The following ST6GAL1 variants were observed in gnomAD, a reference collection of about 807,000 sequenced individuals.
ST6GAL1 encodes the protein ST6 beta-galactoside alpha-2,6-sialyltransferase 1.
ST6GAL1 carries 20 observed loss-of-function variants against 38.0 expected under a neutral mutation model. That is an observed-to-expected ratio of 0.53 (90% CI 0.37 to 0.77). The LOEUF (loss-of-function observed/expected upper bound fraction) is 0.77, where lower values mean the gene tolerates loss of function less well. Among genes scored for constraint, ST6GAL1 ranks in the 30% least tolerant of loss-of-function variants. The pLI, the probability that ST6GAL1 is intolerant of heterozygous loss-of-function variation, is 0.00. For synonymous variants in ST6GAL1, 196 were observed against 188.2 expected, an observed-to-expected ratio of 1.04 and a Z score of -0.34; for missense variants, 432 against 496.4, an observed-to-expected ratio of 0.87 and a Z score of 1.23.
chr3:187,039,861 A>G (rs894104445), intron 3 of ST6GAL1, among the ~76,000 whole-genome samples: 1 of 152,236 alleles, frequency 6.6e-6, no homozygotes, highest in African/African-American at 2.4e-5. Flanking sequence ...ATGAGCCCTT[A>G]TGTGAGATTT....
chr3:187,000,366 A>G (rs952816912), intron 2 of ST6GAL1, among the ~76,000 whole-genome samples: 4 of 150,210 alleles, frequency 2.7e-5, no homozygotes, highest in African/African-American at 7.4e-5. Flanking sequence ...CCTGGCCAAC[A>G]TGGTGAAACC....
At chr3:186,992,006 T>C (rs946163953) in intron 2 of ST6GAL1, among the ~76,000 whole-genome samples, 10 of 152,148 alleles carry the variant, frequency 6.6e-5, no homozygotes, top group African/African-American at 2.2e-4. Flanking sequence ...GATCCTGAGG[T>C]TGGGAATCCA....
chr3:187,050,419 GC>G (rs1181724252), intron 4 of ST6GAL1, among the ~76,000 whole-genome samples: 1 of 152,128 alleles, frequency 6.6e-6, no homozygotes, highest in Non-Finnish European at 1.5e-5. Context: ...TCCAAACACT[GC>G]TTAAACAGTT....
At chr3:186,977,517 C>T (rs1347641981) in intron 2 of ST6GAL1, among the ~76,000 whole-genome samples, 2 of 152,208 alleles carry the variant, frequency 1.3e-5, no homozygotes, top group Admixed American at 6.5e-5. Context: ...CTCTGAAAAG[C>T]TCAGAGCTAC....
intron 1 of ST6GAL1, among the ~76,000 whole-genome samples, chr3:186,941,751 G>T (rs1164144396): frequency 6.6e-6 from 1 of 152,182 alleles, no homozygotes; most frequent in African/African-American, 2.4e-5. Flanking sequence ...GGTGGCTCAT[G>T]CCTGTAATCC....
chr3:186,962,095 G>A (rs1171372621), intron 1 of ST6GAL1, among the ~76,000 whole-genome samples: 1 of 152,180 alleles, frequency 6.6e-6, no homozygotes, highest in Non-Finnish European at 1.5e-5. Context: ...TTCTTTTTCC[G>A]TCTCACCAGA....
intron 5 of ST6GAL1, among the ~76,000 whole-genome samples, chr3:187,067,929 A>G (rs1719224725): frequency 6.6e-6 from 1 of 152,198 alleles, no homozygotes; most frequent in Non-Finnish European, 1.5e-5. Context: ...AACTCAGGCA[A>G]GAAGCAAATT....
intron 2 of ST6GAL1, among the ~76,000 whole-genome samples, chr3:187,018,144 A>G (rs1717177865): frequency 6.6e-6 from 1 of 152,144 alleles, no homozygotes; most frequent in Non-Finnish European, 1.5e-5. Flanking sequence ...GCAGGCTGGT[A>G]TCTGTTTGAT....
At chr3:187,020,267 G>T (rs1038476756) in intron 2 of ST6GAL1, among the ~76,000 whole-genome samples, 38 of 152,112 alleles carry the variant, frequency 2.5e-4, no homozygotes, top group African/African-American at 9.2e-4. Context: ...CTTCACTCCA[G>T]CCTGGTAACA....
intron 1 of ST6GAL1, among the ~76,000 whole-genome samples, chr3:186,963,046 T>G (rs1714984916): frequency 1.3e-5 from 2 of 152,206 alleles, no homozygotes; most frequent in African/African-American, 4.8e-5. Flanking sequence ...ATTTTGTCTT[T>G]TTCATTTAAT....
chr3:187,040,068 T>C (rs2108578367), intron 3 of ST6GAL1, among the ~76,000 whole-genome samples: 1 of 152,366 alleles, frequency 6.6e-6, no homozygotes, highest in Admixed American at 6.5e-5. Context: ...CTTCCTGCCA[T>C]CTTGTTTCAT....
chr3:186,996,257 T>C (rs886773614), intron 2 of ST6GAL1, among the ~76,000 whole-genome samples: 2 of 152,168 alleles, frequency 1.3e-5, no homozygotes, highest in African/African-American at 2.4e-5. Context: ...AGATAGACAA[T>C]TGTGTTTTTG....
intron 2 of ST6GAL1, chr3:186,964,351 A>G (rs77219504): frequency 6.6e-6 from 1 of 151,894 alleles, no homozygotes; most frequent in South Asian, 2.1e-4. Flanking sequence ...GTGAAACATT[A>G]TGCAGAGAGG....
At chr3:186,942,298 TC>T (rs1288239074) in intron 1 of ST6GAL1, 1 of 152,256 alleles carries the variant, frequency 6.6e-6, no homozygotes, top group Admixed American at 6.5e-5. Context: ...CCCTGTTCTG[TC>T]CTTGGCTTCA....
intron 1 of ST6GAL1, among the ~76,000 whole-genome samples, chr3:186,936,133 T>A (rs1560133819): frequency 6.6e-6 from 1 of 152,150 alleles, no homozygotes; most frequent in Non-Finnish European, 1.5e-5. Flanking sequence ...CCTCAGGAGC[T>A]CAGAGAAAAT....
chr3:186,951,207 C>G (rs1382960911), intron 1 of ST6GAL1, among the ~76,000 whole-genome samples: 9 of 152,154 alleles, frequency 5.9e-5, no homozygotes, highest in Admixed American at 5.9e-4. Flanking sequence ...AGGCACCTGC[C>G]AACGTGACCC....
intron 2 of ST6GAL1, among the ~76,000 whole-genome samples, chr3:186,967,575 A>T (rs60378277): frequency 2.0e-5 from 3 of 152,090 alleles, no homozygotes; most frequent in African/African-American, 7.2e-5. Context: ...TTTGGAAGAT[A>T]CCTACTGAGG....
rs368853554 is a variant in ST6GAL1 at position 186,979,858 on chromosome 3, G to A, written c.-183+15932G>A. Among the ~76,000 whole-genome samples, 5 of 152,280 alleles carry A rather than the reference G, an allele frequency of 3.3e-5. No homozygotes were observed. The South Asian group carries it at 8.3e-4, about 25-fold the overall frequency. On this transcript the variant is annotated intron_variant, in intron 2 of 7. Transcript: ENST00000169298. Reference sequence around the variant, plus strand: ...CTTTAATTGCTAATTGTGTAGCACTGAGCAAAAATAATAGGGATGCAGCTT... The same window carrying A: ...CTTTAATTGCTAATTGTGTAGCACTAAGCAAAAATAATAGGGATGCAGCTT...
At chr3:187,016,621 G>T (rs1717125706) in intron 2 of ST6GAL1, among the ~76,000 whole-genome samples, 1 of 152,182 alleles carries the variant, frequency 6.6e-6, no homozygotes, top group Non-Finnish European at 1.5e-5. Context: ...ATGTCCAAAC[G>T]TTGGTCAACA....
Sources: allele counts gnomAD v4.1 joint callset (sites outside exome capture counted in the v4.1 genomes callset), GRCh38; gene constraint gnomAD v4.1.1; transcripts MANE v1.5; gene names NCBI Gene and HGNC (gene_info 2026-07-23, HGNC 2026-07-21).